The following ILDR1 variants were observed in gnomAD, a reference collection of about 807,000 sequenced individuals.
ILDR1 encodes immunoglobulin like domain containing receptor 1.
Under a neutral mutation model 62.4 loss-of-function variants are expected in ILDR1, and 56 were observed. That is an observed-to-expected ratio of 0.90 (90% CI 0.72 to 1.12). ILDR1 has a LOEUF of 1.12. Among genes scored for constraint, ILDR1 ranks in the 50% most tolerant of loss-of-function variants. ILDR1 has a pLI of 0.00. For synonymous variants in ILDR1, 284 were observed against 277.8 expected, an observed-to-expected ratio of 1.02 and a Z score of -0.22; for missense variants, 736 against 710.6, an observed-to-expected ratio of 1.04 and a Z score of -0.41.
the ILDR1 span, among the ~76,000 whole-genome samples, chr3:122,056,222 G>A: frequency 6.6e-6 from 1 of 152,122 alleles, no homozygotes; most frequent in Non-Finnish European, 1.5e-5. Context: ...TTTCCTGCCC[G>A]CTTCGTGGTG....
rs930976401 is a variant in ILDR1 at position 122,004,569 on chromosome 3, C to T, written c.379+675G>A. 2.0e-5 allele frequency among the ~76,000 whole-genome samples: 3 copies of T among 152,174 alleles called. No individual in the cohort carries two copies. In the East Asian group the frequency reaches 5.8e-4, roughly 29 times the overall value. On this transcript the variant is annotated intron_variant, in intron 3 of 7. Transcript: ENST00000344209. ...CAGAGTCAGGGCTCTCACCACTACT[C>T]CCTGCACTGGGCACAGAGAATAGAT... is the stretch of plus-strand genomic sequence containing the variant.
the ILDR1 span, among the ~76,000 whole-genome samples, chr3:122,050,978 A>C: frequency 2.6e-5 from 4 of 152,176 alleles, no homozygotes; most frequent in Non-Finnish European, 5.9e-5. Context: ...TTTGTCCTTC[A>C]AAGTTTCTGC....
chr3:121,988,807 C>T (rs1173886475), intron 7 of ILDR1, among the ~76,000 whole-genome samples: 2 of 152,216 alleles, frequency 1.3e-5, no homozygotes, highest in East Asian at 3.8e-4. Context: ...TTTATAATCT[C>T]CTGAATCATT....
intron 1 of ILDR1, among the ~76,000 whole-genome samples, chr3:122,020,349 CCA>C (rs1276865468): frequency 6.6e-6 from 1 of 152,108 alleles, no homozygotes; most frequent in Non-Finnish European, 1.5e-5. Flanking sequence ...CGTAACTTGC[CCA>C]GTGTCACATA....
chr3:122,007,379 G>T, intron 1 of ILDR1: 1 of 887,388 alleles, frequency 1.1e-6, no homozygotes, highest in Non-Finnish European at 1.7e-6. Context: ...AGAAAGGAGT[G>T]AGGAAAACTC....
chr3:121,988,985 TGAA>T (rs1156390114), intron 7 of ILDR1, among the ~76,000 whole-genome samples: 13 of 152,170 alleles, frequency 8.5e-5, no homozygotes, highest in Non-Finnish European at 1.6e-4. Flanking sequence ...TCGGTGAGGG[TGAA>T]GAACTGTGGT....
Position 122,001,807 on chromosome 3 carries a change from G to A in ILDR1, c.437C>T (p.Thr146Ile). 2 of 1,613,418 alleles carry A rather than the reference G, an allele frequency of 1.2e-6. No individual in the cohort carries two copies. Among genetic ancestry groups the A allele is most frequent in the Non-Finnish European group, 1.7e-6 (2 of 1,179,900 alleles). ...TGATGTGTCCCCTGGAGCCTCAATG[G>A]TGCAGTAATACACTCCATGGTCCCA... ...MWWDHGVYYC[T>I]IEAPGDTSGD... The change falls in exon 4 of 8, where the codon ACC (threonine) becomes ATC (isoleucine). Residue 146 changes from threonine (T) to isoleucine (I), a missense_variant. Coordinates refer to ENST00000344209, the MANE Select transcript of ILDR1 (RefSeq NM_001199799.2).
the ILDR1 span, among the ~76,000 whole-genome samples, chr3:122,052,605 G>C: frequency 6.6e-6 from 1 of 152,246 alleles, no homozygotes; most frequent in South Asian, 2.1e-4. Flanking sequence ...ACGGAGCGTC[G>C]CTTCTTCGCC....
At position 121,993,275 on chromosome 3, in the gene ILDR1, A is replaced by G; in HGVS notation, c.1474T>C (p.Trp492Arg). The change falls in exon 7 of 8, where the codon TGG (tryptophan) becomes CGG (arginine). Residue 492 changes from tryptophan to arginine, a missense_variant. Trp to Arg is a moderately radical substitution (Grantham distance 101). Transcript: ENST00000344209. The part of the protein sequence containing the change: ...EEDKERQPQS[W>R]RAHRRGSHSP... Reference sequence around the variant, plus strand: ...TGCGAGCCGCGGCGGTGGGCCCGCCAGCTCTGGGGCTGCCTCTCCTTGTCC... The same window carrying G: ...TGCGAGCCGCGGCGGTGGGCCCGCCGGCTCTGGGGCTGCCTCTCCTTGTCC... 1 of 1,613,594 alleles carries G rather than the reference A, an allele frequency of 6.2e-7. No individual in the cohort carries two copies. Among genetic ancestry groups the G allele is most frequent in the Non-Finnish European group, 8.5e-7 (1 of 1,179,790 alleles).
intron 1 of ILDR1, among the ~76,000 whole-genome samples, chr3:122,012,528 A>ATATCACCTGTATAGAGGTAGCG: frequency 2.6e-5 from 4 of 152,316 alleles, no homozygotes; most frequent in African/African-American, 9.6e-5. Context: ...ACTCTAGTCA[A>ATATCACCTGTATAGAGGTAGCG]CATTAGTTGC....
chr3:122,026,919 T>C (rs1355427686), upstream of ILDR1, among the ~76,000 whole-genome samples: 1 of 152,124 alleles, frequency 6.6e-6, no homozygotes, highest in Non-Finnish European at 1.5e-5. Context: ...AAAGAGAATC[T>C]ATACATTATA....
chr3:122,041,837 A>G, the ILDR1 span, among the ~76,000 whole-genome samples: 3 of 151,380 alleles, frequency 2.0e-5, no homozygotes. Flanking sequence ...TTCTATATAT[A>G]AGATCACATC....
chr3:122,021,862 T>G (rs909837108), intron 1 of ILDR1, among the ~76,000 whole-genome samples, 158 bp downstream of exon 1: 1 of 152,170 alleles, frequency 6.6e-6, no homozygotes, highest in African/African-American at 2.4e-5. Flanking sequence ...AGGCAGAAAC[T>G]CGATCCAGTC....
chr3:122,055,604 T>C, the ILDR1 span: 5 of 1,069,534 alleles, frequency 4.7e-6, no homozygotes, highest in South Asian at 1.3e-5. Flanking sequence ...CTTCACTTAG[T>C]TCCTAAGTGG....
the ILDR1 span, among the ~76,000 whole-genome samples, chr3:122,031,006 G>A: frequency 1.2e-4 from 18 of 152,278 alleles, no homozygotes; most frequent in Admixed American, 4.6e-4. Context: ...GCTTCTCTTT[G>A]CTAACTTTCT....
chr3:122,029,090 T>G, the ILDR1 span, among the ~76,000 whole-genome samples: 1 of 152,166 alleles, frequency 6.6e-6, no homozygotes, highest in African/African-American at 2.4e-5. Flanking sequence ...GGGTGAATAT[T>G]AAAAATATAA....
At chr3:122,034,020 G>A in the ILDR1 span, among the ~76,000 whole-genome samples, 14 of 152,162 alleles carry the variant, frequency 9.2e-5, no homozygotes, top group Middle Eastern at 3.4e-3. Flanking sequence ...CATAAAAATC[G>A]CTAGGGTTTT....
At chr3:122,005,164 C>T in intron 3 of ILDR1, 80 bp downstream of exon 3, 1 of 1,017,732 alleles carries the variant, frequency 9.8e-7, no homozygotes, top group Non-Finnish European at 1.5e-6. Flanking sequence ...ATGGGAAATC[C>T]CATGCTGACT....
At position 121,993,361 on chromosome 3, in the gene ILDR1, C is replaced by CGTCGT. The variant is rs769876173; in HGVS notation, c.1383_1387dup (p.Arg463HisfsTer119). On this transcript the variant is annotated frameshift_variant, in exon 7 of 8. Coordinates refer to ENST00000344209, the MANE Select transcript of ILDR1 (RefSeq NM_001199799.2). LOFTEE classifies it high-confidence loss of function. ...GGGAGGAGAGTAGCTGCGGTGCCTGCGTCGTCTCCCGTGCCTCTGAGTGCT... is the reference window on the plus strand; with the variant it reads ...GGGAGGAGAGTAGCTGCGGTGCCTGCGTCGTGTCGTCTCCCGTGCCTCTGAGTGCT... 1.2e-6 allele frequency: 2 copies of CGTCGT among 1,609,746 alleles called. No homozygotes were observed. Among genetic ancestry groups the CGTCGT allele is most frequent in the Non-Finnish European group, 1.7e-6 (2 of 1,176,742 alleles).
Sources: gnomAD v4.1 joint callset for allele counts (sites outside exome capture counted in the v4.1 genomes callset) on GRCh38, gnomAD v4.1.1 for gene constraint, MANE v1.5 for transcripts, NCBI Gene and HGNC (gene_info 2026-07-23, HGNC 2026-07-21) for gene names.